Variants in HS1BP3 observed in about 807,000 individuals in gnomAD.
The protein encoded by HS1BP3 is HCLS1-binding protein 3.
In HS1BP3, 32 loss-of-function variants were observed where a neutral mutation model predicts 33.5. That is an observed-to-expected ratio of 0.95 (90% CI 0.72 to 1.28). The LOEUF (loss-of-function observed/expected upper bound fraction) is 1.28, where lower values mean the gene tolerates loss of function less well. HS1BP3 is among the 50% of genes most tolerant of loss of function. The probability of loss-of-function intolerance (pLI) is 0.00; values close to 1 mark genes in which losing one functional copy is unlikely to be tolerated. For missense variants in HS1BP3, 486 were observed against 502.3 expected (o/e 0.97, Z 0.31); for synonymous variants, 187 against 209.2 (o/e 0.89, Z 0.92).
chr2:20,630,466 G>A (rs952865917), intron 4 of HS1BP3, among the ~76,000 whole-genome samples: 52 of 151,986 alleles, frequency 3.4e-4, no homozygotes, highest in African/African-American at 1.2e-3. Flanking sequence ...ATGGAGTCTC[G>A]CTATGTTGCC....
intron 2 of HS1BP3, among the ~76,000 whole-genome samples, chr2:20,605,682 G>T (rs1694162083): frequency 6.6e-6 from 1 of 152,152 alleles, no homozygotes; most frequent in Non-Finnish European, 1.5e-5. Flanking sequence ...ATCCTACAAT[G>T]TGTGACCCTT....
chr2:20,647,923 G>A lies in HS1BP3; in HGVS notation c.33-2418C>T, dbSNP rs1366870968. Among the ~76,000 whole-genome samples the A allele has an allele frequency of 3.3e-5, 5 of 152,202 alleles. No homozygotes were observed. In the East Asian group the frequency reaches 9.6e-4, roughly 29 times the overall value. ...CAAATTCCCAAGTGATGTGGACACTGCTGTGTACTGCTCCAGAGACCATCG... is the reference window on the plus strand; with the variant it reads ...CAAATTCCCAAGTGATGTGGACACTACTGTGTACTGCTCCAGAGACCATCG... On this transcript the variant is annotated intron_variant, in intron 1 of 6. Coordinates refer to ENST00000304031, the MANE Select transcript of HS1BP3 (RefSeq NM_022460.4).
rs770228556 is a variant in HS1BP3 at position 20,599,653 on chromosome 2, G to GTT, written c.179-1390_179-1389dup. ...ACACACACACACACACACACACTCT[G>GTT]TTTTTTTTTTTTTAAAGATCTGACT... On this transcript the variant is annotated intron_variant, in intron 2 of 3. Coordinates refer to the HS1BP3 transcript ENST00000415264. 6.2e-3 allele frequency among the ~76,000 whole-genome samples: 721 copies of GTT among 116,222 alleles called. 2 individuals carry two copies. The highest frequency in any genetic ancestry group is 0.021 in the African/African-American group (670 of 31,824). 76.2% of individuals were successfully genotyped at this position (116,222 alleles called of 152,430 possible). A position where few individuals can be genotyped will look rare whatever the true frequency, so the allele number is the denominator to read the frequency against.
rs1325543894 is a variant in HS1BP3, at chr2:20,598,561, T to C, written c.179-296A>G. On this transcript the variant is annotated intron_variant, in intron 2 of 3. Transcript: ENST00000415264. ...CTTCTTTTTTTTTTTTTTTTTTTTT[T>C]TTTTTTTTTTTTTTTGAGACGGAGT... Among the ~76,000 whole-genome samples, 460 of 120,712 alleles carry C rather than the reference T, an allele frequency of 3.8e-3. 6 individuals carry two copies. Among genetic ancestry groups the C allele is most frequent in the Non-Finnish European group, 6.7e-3 (390 of 58,124 alleles). The allele number at this position is 120,712 out of a possible 152,430, so 79.2% of individuals were successfully genotyped here.
At position 20,611,460 on chromosome 2, in the gene HS1BP3, G is replaced by A. The variant is rs548404003; in HGVS notation, c.178+12436C>T. Reference sequence around the variant, plus strand: ...CTCTCTCCACTTGACCACATCGTGCGCAAAGTTCAGGGACCAGGAGAGGGA... The same window carrying A: ...CTCTCTCCACTTGACCACATCGTGCACAAAGTTCAGGGACCAGGAGAGGGA... On this transcript the variant is annotated intron_variant, in intron 2 of 3. Transcript: ENST00000415264. This position sits in a 1 kb window ranked among gnomAD's most constrained non-coding sequence, Gnocchi z 4.9. 4.6e-5 allele frequency among the ~76,000 whole-genome samples: 7 copies of A among 152,302 alleles called. No homozygotes were observed. The highest frequency in any genetic ancestry group is 1.9e-4 in the East Asian group (1 of 5,186).
At chr2:20,570,879 C>G (rs891126197) in intron 5 of HS1BP3, among the ~76,000 whole-genome samples, 1 of 152,112 alleles carries the variant, frequency 6.6e-6, no homozygotes, top group African/African-American at 2.4e-5. Context: ...TTGCTTCTCT[C>G]GGGCTGAGGC....
At chr2:20,619,791 A>ATCC (rs1694539212) in intron 6 of HS1BP3, among the ~76,000 whole-genome samples, 1 of 152,230 alleles carries the variant, frequency 6.6e-6, no homozygotes, top group East Asian at 1.9e-4. Context: ...ATCGGCCCTT[A>ATCC]GAAGCTGAGC....
intron 5 of HS1BP3, among the ~76,000 whole-genome samples, chr2:20,560,828 C>A (rs79534660): frequency 3.3e-5 from 5 of 151,978 alleles, no homozygotes; most frequent in Non-Finnish European, 5.9e-5. Flanking sequence ...TAGCTGAGGA[C>A]ACTGTTCTGT....
Position 20,638,634 on chromosome 2 carries a change from G to A in HS1BP3, c.425C>T (p.Ala142Val). 1 of 1,613,912 alleles carries A rather than the reference G, an allele frequency of 6.2e-7. No homozygotes were observed. The highest frequency in any genetic ancestry group is 8.5e-7 in the Non-Finnish European group (1 of 1,179,850). ...LEFLGTRSPGAAGLTSRDSSV... is the reference protein window; with the variant it reads ...LEFLGTRSPGVAGLTSRDSSV... ...GGAATCTCTGCTGGTGAGCCCTGCA[G>A]CCCCTGGGGATCTGGTACCTGTGGA... The change falls in exon 4 of 7, where the codon GCT becomes GTT. Residue 142 changes from alanine to valine, a missense_variant. Physicochemically the swap from Ala to Val is moderately conservative, Grantham distance 64. Transcript: ENST00000304031.
chr2:20,650,208 C>T (rs920897044), intron 1 of HS1BP3, among the ~76,000 whole-genome samples: 26 of 152,186 alleles, frequency 1.7e-4, no homozygotes, highest in Non-Finnish European at 1.2e-4. Flanking sequence ...CTGGGTAACA[C>T]GTTCATTTAT....
rs1694512710 is a variant in HS1BP3 at position 20,619,092 on chromosome 2, C to T, written c.1074G>A (p.Gly358=). The change falls in exon 7 of 7, where the codon GGG becomes GGA. Residue 358 remains glycine (G), a synonymous_variant. Coordinates refer to ENST00000304031, the MANE Select transcript of HS1BP3 (RefSeq NM_022460.4). ...PKAGPAEAVA[G]QQKPQEQIQA... ...GGATCTGCTCCTGCGGCTTCTGCTG[C>T]CCAGCCACAGCTTCAGCCGGGCCCG... is the stretch of plus-strand genomic sequence containing the variant. The T allele has an allele frequency of 1.4e-5, 23 of 1,614,174 alleles. No homozygotes were observed. The highest frequency in any genetic ancestry group is 1.9e-5 in the Non-Finnish European group (23 of 1,180,024).
At chr2:20,595,208 G>A (rs569834103) in intron 3 of HS1BP3, among the ~76,000 whole-genome samples, 1 of 152,100 alleles carries the variant, frequency 6.6e-6, no homozygotes, top group Non-Finnish European at 1.5e-5. Flanking sequence ...TTTCAGTCTG[G>A]ACAGATGGCT....
chr2:20,622,339 A>G, intron 6 of HS1BP3: 1 of 1,303,968 alleles, frequency 7.7e-7, no homozygotes, highest in Non-Finnish European at 1.0e-6. Context: ...AAAAAAAGAA[A>G]AGCAGTTAAT....
chr2:20,645,685 C>T lies in HS1BP3; in HGVS notation c.33-180G>A, dbSNP rs527653399. Among the ~76,000 whole-genome samples the T allele has an allele frequency of 2.1e-4, 32 of 152,350 alleles. 1 individual carries two copies. Among genetic ancestry groups the T allele is most frequent in the Admixed American group, 1.8e-3 (27 of 15,312 alleles). The stretch of plus-strand genomic sequence containing the variant: ...GCCACACCAGCCCTCATAAGCCTGG[C>T]TTCCCAGGCCTCGAGGCCTCGGACC... On this transcript the variant is annotated intron_variant, in intron 1 of 6. Transcript: ENST00000304031.
At chr2:20,601,623 A>G (rs1694070598) in intron 2 of HS1BP3, among the ~76,000 whole-genome samples, 1 of 152,058 alleles carries the variant, frequency 6.6e-6, no homozygotes, top group South Asian at 2.1e-4. Context: ...TTTCCTGCAC[A>G]AGTCGCTCTT....
chr2:20,587,276 GA>G (rs1693703490), intron 5 of HS1BP3, among the ~76,000 whole-genome samples: 1 of 152,188 alleles, frequency 6.6e-6, no homozygotes, highest in African/African-American at 2.4e-5. Context: ...AAACGAAAGT[GA>G]AAAAAGGAGG....
At chr2:20,641,845 C>G (rs1572361561) in intron 2 of HS1BP3, among the ~76,000 whole-genome samples, 1 of 152,196 alleles carries the variant, frequency 6.6e-6, no homozygotes, top group East Asian at 1.9e-4. Flanking sequence ...GGCCTCTCCC[C>G]ACAGCTCCTG....
chr2:20,634,418 G>T (rs1405060663), intron 4 of HS1BP3, among the ~76,000 whole-genome samples: 1 of 152,238 alleles, frequency 6.6e-6, no homozygotes, highest in African/African-American at 2.4e-5. Flanking sequence ...TCCCTAGGTG[G>T]TCTCTGTTGC....
At position 20,618,615 on chromosome 2, in the gene HS1BP3, C is replaced by G. The variant is rs1694491738; in HGVS notation, c.*372G>C. ...GGGTCTGTGCTGGGGCTGGCAGAAC[C>G]CGTGGGCATGAAGCTTCCCTGCCCC... On this transcript the variant is annotated 3_prime_UTR_variant, in exon 7 of 7. Coordinates refer to ENST00000304031, the MANE Select transcript of HS1BP3 (RefSeq NM_022460.4). 2 of 842,750 alleles carry G rather than the reference C, an allele frequency of 2.4e-6. No homozygotes were observed. The highest frequency in any genetic ancestry group is 3.6e-5 in the African/African-American group (2 of 56,090). The allele number at this position is 842,750 out of a possible 1,614,324, so 52.2% of individuals were successfully genotyped here.
Sources: allele counts gnomAD v4.1 joint callset (sites outside exome capture counted in the v4.1 genomes callset), GRCh38; gene constraint gnomAD v4.1.1; non-coding constraint Gnocchi (gnomAD v3.1); transcripts MANE v1.5; gene names NCBI Gene and HGNC (gene_info 2026-07-23, HGNC 2026-07-21).